The following CIRSR variants were observed in gnomAD, a reference collection of about 807,000 sequenced individuals.
CIRSR encodes CBF1 (RBPJ) interacting corepressor 1.
the CIRSR span, chr2:174,369,933 A>C: frequency 7.4e-7 from 1 of 1,352,158 alleles, no homozygotes; most frequent in African/African-American, 1.5e-5. Flanking sequence ...GAGACAAAGT[A>C]AGCACATACG....
the CIRSR span, chr2:174,387,849 A>G: frequency 3.0e-6 from 4 of 1,328,144 alleles, no homozygotes; most frequent in Non-Finnish European, 3.1e-6. Flanking sequence ...CTTTTCTTGT[A>G]TAATAAAATA....
At chr2:174,389,751 G>A in the CIRSR span, among the ~76,000 whole-genome samples, 3 of 152,186 alleles carry the variant, frequency 2.0e-5, no homozygotes, top group East Asian at 1.9e-4. Flanking sequence ...TTCCTGGGCC[G>A]GGTCCAGCCT....
the CIRSR span, among the ~76,000 whole-genome samples, chr2:174,382,634 G>A: frequency 6.6e-6 from 1 of 151,962 alleles, no homozygotes; most frequent in Non-Finnish European, 1.5e-5. Context: ...GCCAGGCTCT[G>A]TCTCAAAAAC....
the CIRSR span, among the ~76,000 whole-genome samples, chr2:174,367,276 A>C: frequency 6.6e-6 from 1 of 152,150 alleles, no homozygotes; most frequent in African/African-American, 2.4e-5. Flanking sequence ...CTCTCCAAAA[A>C]GTTTTTAAAA....
At chr2:174,390,568 AG>A in the CIRSR span, among the ~76,000 whole-genome samples, 8 of 152,312 alleles carry the variant, frequency 5.3e-5, no homozygotes, top group South Asian at 6.2e-4. Flanking sequence ...TTGGTTGTTA[AG>A]GGCAGGATTG....
At chr2:174,376,887 G>A in the CIRSR span, among the ~76,000 whole-genome samples, 5 of 151,820 alleles carry the variant, frequency 3.3e-5, no homozygotes, top group African/African-American at 9.7e-5. Context: ...ACATAATTAT[G>A]GGCATGTTTT....
the CIRSR span, among the ~76,000 whole-genome samples, chr2:174,370,284 G>C: frequency 1.8e-4 from 28 of 152,284 alleles, no homozygotes; most frequent in African/African-American, 6.5e-4. Context: ...CGCTGGTCTT[G>C]AACTATCCTC....
the CIRSR span, among the ~76,000 whole-genome samples, chr2:174,373,647 T>C: frequency 2.0e-5 from 3 of 152,208 alleles, no homozygotes; most frequent in African/African-American, 7.2e-5. Flanking sequence ...GATTCAATTG[T>C]ATTCCTTAGT....
the CIRSR span, chr2:174,351,767 C>G: frequency 5.2e-6 from 8 of 1,536,886 alleles, no homozygotes; most frequent in African/African-American, 1.4e-5. Context: ...ATTTATATCT[C>G]TCTACCTTTT....
At chr2:174,372,739 G>A in the CIRSR span, among the ~76,000 whole-genome samples, 2 of 151,806 alleles carry the variant, frequency 1.3e-5, no homozygotes, top group Non-Finnish European at 2.9e-5. Context: ...CCACCACCAC[G>A]CCCAGCTAAT....
At chr2:174,384,947 T>C in the CIRSR span, among the ~76,000 whole-genome samples, 10 of 152,122 alleles carry the variant, frequency 6.6e-5, no homozygotes, top group African/African-American at 2.4e-4. Context: ...TGGCGGCTCA[T>C]GCCTGTAATC....
At chr2:174,380,827 T>C in the CIRSR span, 1 of 1,584,116 alleles carries the variant, frequency 6.3e-7, no homozygotes, top group East Asian at 2.2e-5. Context: ...TGATTGCATA[T>C]CAAAAATATG....
chr2:174,374,673 T>TAAACCTGGCAGC, the CIRSR span, among the ~76,000 whole-genome samples: 135 of 152,330 alleles, frequency 8.9e-4, 1 homozygote, highest in South Asian at 0.019. Context: ...TGCCTGGCTG[T>TAAACCTGGCAGC]AAACCTGGCA....
At chr2:174,380,512 AC>A in the CIRSR span, 1 of 781,022 alleles carries the variant, frequency 1.3e-6, no homozygotes. Context: ...GTTGAATAAG[AC>A]AGCTAATTAA....
the CIRSR span, among the ~76,000 whole-genome samples, chr2:174,381,078 T>A: frequency 1.3e-5 from 2 of 152,214 alleles, no homozygotes; most frequent in African/African-American, 2.4e-5. Context: ...GTTTTTTATT[T>A]ACAAATGCAT....
At chr2:174,359,619 A>G in the CIRSR span, among the ~76,000 whole-genome samples, 3 of 152,218 alleles carry the variant, frequency 2.0e-5, no homozygotes, top group Admixed American at 6.5e-5. Context: ...GTGGGAGTGT[A>G]AACTAGTTCA....
chr2:174,382,889 G>A, the CIRSR span, among the ~76,000 whole-genome samples: 2 of 152,110 alleles, frequency 1.3e-5, no homozygotes, highest in African/African-American at 4.8e-5. Flanking sequence ...AGGCTAAAGA[G>A]TGAATATAAT....
chr2:174,351,717 T>G, the CIRSR span: 1 of 1,611,720 alleles, frequency 6.2e-7, no homozygotes, highest in Non-Finnish European at 8.5e-7. Flanking sequence ...GAGGGGTGCA[T>G]CGATGGCCCT....
the CIRSR span, among the ~76,000 whole-genome samples, chr2:174,372,588 C>A: frequency 6.6e-6 from 1 of 151,972 alleles, no homozygotes; most frequent in Non-Finnish European, 1.5e-5. Flanking sequence ...TATTAGATAT[C>A]TAGGTGTTCT....
Sources: allele counts gnomAD v4.1 joint callset (sites outside exome capture counted in the v4.1 genomes callset), GRCh38; gene constraint gnomAD v4.1.1; transcripts MANE v1.5; gene names NCBI Gene and HGNC (gene_info 2026-07-23, HGNC 2026-07-21).